Variants in CACNA1A observed in about 807,000 individuals in gnomAD.
CACNA1A encodes the protein voltage-dependent P/Q-type calcium channel subunit alpha-1A.
In CACNA1A, 57 loss-of-function variants were observed where a neutral mutation model predicts 262.4. The ratio of observed to expected loss-of-function variants is 0.22; its 90% CI spans 0.18 to 0.27. The LOEUF is 0.27. CACNA1A is among the 10% of genes least tolerant of loss of function. The pLI is 1.00. For missense variants in CACNA1A, 2,526 were observed against 3,562.8 expected (o/e 0.71, Z 7.41); for synonymous variants, 1,431 against 1,419.3 (o/e 1.01, Z -0.18).
Position 13,303,849 on chromosome 19 carries a change from G to A in CACNA1A, c.2022C>T (p.Tyr674=), listed in dbSNP as rs940460024. ...LTGEDWNEVM[Y]DGIKSQGGVQ... is the part of the protein sequence containing the mutation. ...CGCCCCCCTGAGACTTGATCCCGTCGTACATGACCTCGTTCCAGTCTTCGC... is the reference window on the plus strand; with the variant it reads ...CGCCCCCCTGAGACTTGATCCCGTCATACATGACCTCGTTCCAGTCTTCGC... Residue 674 remains tyrosine, a synonymous_variant, in exon 16 of 47, where the codon TAC becomes TAT. Coordinates refer to ENST00000360228, the MANE Select transcript of CACNA1A (RefSeq NM_001127222.2). 5 of 1,613,466 alleles carry A rather than the reference G, an allele frequency of 3.1e-6. No individual in the cohort carries two copies. Among genetic ancestry groups the A allele is most frequent in the East Asian group, 2.2e-5 (1 of 44,862 alleles).
intron 3 of CACNA1A, among the ~76,000 whole-genome samples, chr19:13,385,119 C>A (rs1379665892): frequency 6.6e-6 from 1 of 152,104 alleles, no homozygotes; most frequent in Non-Finnish European, 1.5e-5. Context: ...GCTCCCAAGC[C>A]ACATGTGGCT....
At chr19:13,480,561 G>A (rs1316981704) in intron 1 of CACNA1A, among the ~76,000 whole-genome samples, 2 of 152,030 alleles carry the variant, frequency 1.3e-5, no homozygotes, top group Admixed American at 1.3e-4. Flanking sequence ...GGGTGCGGGG[G>A]CTCACACCTG....
intron 25 of CACNA1A, 77 bp from the exon 26 acceptor site, chr19:13,261,687 C>A: frequency 1.5e-6 from 2 of 1,359,872 alleles, no homozygotes; most frequent in Non-Finnish European, 2.1e-6. Flanking sequence ...CCCATCATAC[C>A]AAAATACTGC....
At chr19:13,358,065 G>A (rs927937167) in intron 6 of CACNA1A, among the ~76,000 whole-genome samples, 3 of 152,106 alleles carry the variant, frequency 2.0e-5, no homozygotes, top group African/African-American at 7.2e-5. Flanking sequence ...TTTAGTCTTT[G>A]ATCCTGCAAT....
intron 15 of CACNA1A, among the ~76,000 whole-genome samples, 151 bp from the exon 16 acceptor site, chr19:13,304,035 T>C (rs961691321): frequency 6.6e-6 from 1 of 152,082 alleles, no homozygotes; most frequent in Admixed American, 6.5e-5. Context: ...AGACTCCGTG[T>C]TGGCTTCTCC....
intron 30 of CACNA1A, among the ~76,000 whole-genome samples, chr19:13,251,529 A>T (rs528949588): frequency 6.6e-6 from 1 of 152,260 alleles, no homozygotes; most frequent in South Asian, 2.1e-4. Context: ...AACAAATTCT[A>T]GCTGTAGGTT....
chr19:13,356,361 C>A (rs577112779), intron 6 of CACNA1A, among the ~76,000 whole-genome samples: 67 of 152,278 alleles, frequency 4.4e-4, no homozygotes, highest in African/African-American at 1.4e-3. Context: ...AATAGTGGCA[C>A]AGAGAGGCCA....
chr19:13,209,262 C>A (rs1876399571), intron 45 of CACNA1A, 50 bp downstream of exon 45: 33 of 1,434,184 alleles, frequency 2.3e-5, no homozygotes, highest in Non-Finnish European at 3.0e-5. Context: ...TTCTCCTCCC[C>A]TCTCCTCTCC....
intron 28 of CACNA1A, among the ~76,000 whole-genome samples, chr19:13,256,018 G>C: frequency 9.6e-6 from 1 of 104,338 alleles, no homozygotes. Flanking sequence ...TCTTTGACAC[G>C]GGCTTGCTTT....
rs564667281 is a variant in CACNA1A, at chr19:13,390,401, T to C, written c.540-18622A>G. On this transcript the variant is annotated intron_variant, in intron 3 of 46. Transcript: ENST00000360228. The stretch of plus-strand genomic sequence containing the variant: ...CACTGGGATTACAGGTGTGAGCCAC[T>C]GCACCCAGACCCTCATGTAGCCTTG... Among the ~76,000 whole-genome samples the C allele has an allele frequency of 3.9e-5, 6 of 152,246 alleles. No individual in the cohort carries two copies. In the East Asian group the frequency reaches 1.2e-3, roughly 29 times the overall value.
chr19:13,482,980 A>C (rs567009965), intron 1 of CACNA1A, among the ~76,000 whole-genome samples: 92 of 150,902 alleles, frequency 6.1e-4, no homozygotes, highest in Non-Finnish European at 8.8e-4. Context: ...CACCTTTGTA[A>C]GCTATCTCTT....
intron 24 of CACNA1A, among the ~76,000 whole-genome samples, chr19:13,270,845 C>T (rs917476393): frequency 4.6e-5 from 7 of 152,284 alleles, no homozygotes; most frequent in South Asian, 2.1e-4. Flanking sequence ...TCATGTCCGT[C>T]GGCTCTTCCA....
At chr19:13,211,970 A>G (rs2054828015) in intron 43 of CACNA1A, 133 bp downstream of exon 43, 2 of 636,450 alleles carry the variant, frequency 3.1e-6, no homozygotes, top group Admixed American at 2.7e-5. Flanking sequence ...AGACTGCTTC[A>G]GAGACTGAAG....
In CACNA1A at chr19:13,309,069, C is replaced by T. The variant is rs550099372; in HGVS notation, c.1669-541G>A. Among the ~76,000 whole-genome samples the T allele has an allele frequency of 2.8e-4, 42 of 152,108 alleles. 1 individual carries two copies. The South Asian group carries it at 6.0e-3, about 22-fold the overall frequency. On this transcript the variant is annotated intron_variant, in intron 12 of 46. Coordinates refer to ENST00000360228, the MANE Select transcript of CACNA1A (RefSeq NM_001127222.2). ...TATCACCCAGGCTGGTGTGCAGTGG[C>T]GCGATCTCAGCTTACTGCAACCTCC...
chr19:13,214,007 G>A lies in CACNA1A; in HGVS notation c.5940+226C>T. ...GGCTAATGTTTTATTTTGTAGAGAT[G>A]GAGTCTCACTGTGTTGCCCAGGGTG... On this transcript the variant is annotated intron_variant, in intron 40 of 46. Coordinates refer to ENST00000360228, the MANE Select transcript of CACNA1A (RefSeq NM_001127222.2). This position sits in a 1 kb window ranked among gnomAD's most constrained non-coding sequence, Gnocchi z 4.1. The A allele has an allele frequency of 1.9e-6, 1 of 538,634 alleles. No homozygotes were observed. The highest frequency in any genetic ancestry group is 3.3e-6 in the Non-Finnish European group (1 of 299,474). 33.4% of individuals were successfully genotyped at this position (538,634 alleles called of 1,614,324 possible).
At chr19:13,218,098 T>C (rs1175282131) in intron 38 of CACNA1A, among the ~76,000 whole-genome samples, 1 of 151,970 alleles carries the variant, frequency 6.6e-6, no homozygotes, top group Admixed American at 6.6e-5. Context: ...TCTATTTATT[T>C]ATTTATTTTG....
At chr19:13,287,214 G>A (rs2057423426) in intron 19 of CACNA1A, among the ~76,000 whole-genome samples, 1 of 152,092 alleles carries the variant, frequency 6.6e-6, no homozygotes, top group Non-Finnish European at 1.5e-5. Flanking sequence ...TGACGGGCGT[G>A]GCGCTGTGTG....
chr19:13,310,781 AT>A (rs2058019724), intron 12 of CACNA1A, among the ~76,000 whole-genome samples: 1 of 150,772 alleles, frequency 6.6e-6, no homozygotes, highest in South Asian at 2.1e-4. Flanking sequence ...TGCTCAGGAC[AT>A]TTTAAAATTT....
At chr19:13,252,027 A>T (rs541885982) in intron 30 of CACNA1A, among the ~76,000 whole-genome samples, 1 of 151,648 alleles carries the variant, frequency 6.6e-6, no homozygotes, top group East Asian at 1.9e-4. Flanking sequence ...CTGCCTCCCA[A>T]AGTGCTGGGA....
Sources: allele counts gnomAD v4.1 joint callset (sites outside exome capture counted in the v4.1 genomes callset), GRCh38; gene constraint gnomAD v4.1.1; non-coding constraint Gnocchi (gnomAD v3.1); transcripts MANE v1.5; gene names NCBI Gene and HGNC (gene_info 2026-07-23, HGNC 2026-07-21).